Variants in EML5 observed in about 807,000 individuals in gnomAD.
EML5 encodes the protein EMAP like 5.
In EML5, 120 loss-of-function variants were observed where a neutral mutation model predicts 250.0. That is an observed-to-expected ratio of 0.48 (90% confidence interval 0.41 to 0.56). The LOEUF (loss-of-function observed/expected upper bound fraction) is 0.56, where lower values mean the gene tolerates loss of function less well. Ranked by LOEUF, EML5 falls within the 20% of genes least tolerant of loss-of-function variation. The pLI is 0.00. For synonymous variants in EML5, 771 were observed against 806.5 expected (o/e 0.96, Z 0.75); for missense variants, 2,006 against 2,437.6 (o/e 0.82, Z 3.73).
At chr14:88,736,086 C>T (rs142822796) in intron 7 of EML5, among the ~76,000 whole-genome samples, 3,865 of 150,036 alleles carry the variant, frequency 0.026, 71 homozygotes, top group Non-Finnish European at 0.039. Flanking sequence ...CTGCAACCTT[C>T]GCCTCCTGGG....
rs549903794 is a variant in EML5 at position 88,770,932 on chromosome 14, G to A, written c.198-16261C>T. ...AGTTCTTCTTCCTATTAATATTGCT[G>A]AGTAATGGAAATTAATTAGATATAA... On this transcript the variant is annotated intron_variant, in intron 1 of 43. Transcript: ENST00000554922. Among the ~76,000 whole-genome samples the A allele has an allele frequency of 3.3e-5, 5 of 152,144 alleles. No individual in the cohort carries two copies. The East Asian group carries it at 5.8e-4, about 18-fold the overall frequency.
intron 1 of EML5, among the ~76,000 whole-genome samples, chr14:88,785,969 GC>G (rs2094547302): frequency 1.3e-5 from 2 of 152,086 alleles, no homozygotes; most frequent in African/African-American, 4.8e-5. Flanking sequence ...TATAAAATCT[GC>G]CCCCACCACC....
At position 88,644,553 on chromosome 14, in the gene EML5, C is replaced by CA. The variant is rs2091246201; in HGVS notation, c.4029-43dup. 9 of 1,574,066 alleles carry CA rather than the reference C, an allele frequency of 5.7e-6. No individual in the cohort carries two copies. The East Asian group carries it at 2.0e-4, about 35-fold the overall frequency. On this transcript the variant is annotated intron_variant, in intron 29 of 43. Coordinates refer to ENST00000554922, the MANE Select transcript of EML5 (RefSeq NM_183387.3). ...GGGAGGAGGAAAGGCATGCAGCACT[C>CA]AGTGCCTTCACTGAGCCTCTCACAC...
chr14:88,644,700 A>ATTTT (rs2091255250), intron 29 of EML5, 189 bp from the exon 30 acceptor site: 1 of 484,070 alleles, frequency 2.1e-6, no homozygotes, highest in African/African-American at 2.0e-5. Context: ...AAATATTACA[A>ATTTT]CTTTTATTCA....
intron 42 of EML5, 161 bp from the exon 43 acceptor site, chr14:88,616,403 C>T: frequency 1.4e-6 from 1 of 698,590 alleles, no homozygotes; most frequent in South Asian, 1.8e-5. Context: ...AGTGGATCTG[C>T]AAAACCAGGC....
At chr14:88,616,927 G>A (rs1193680862) in intron 41 of EML5, 48 bp from the exon 42 acceptor site, 1 of 1,574,996 alleles carries the variant, frequency 6.3e-7, no homozygotes, top group South Asian at 1.2e-5. Context: ...GTGCGGGCAG[G>A]TTGACTATAT....
At chr14:88,712,232 TGAGA>T (rs1405194320) in intron 10 of EML5, 35 bp downstream of exon 10, 2 of 1,413,062 alleles carry the variant, frequency 1.4e-6, no homozygotes, top group Admixed American at 3.5e-5. Context: ...AAGTCTTCTG[TGAGA>T]GAGAGGTTAC....
At chr14:88,666,684 G>A (rs548319238) in intron 21 of EML5, among the ~76,000 whole-genome samples, 4 of 151,922 alleles carry the variant, frequency 2.6e-5, no homozygotes, top group South Asian at 2.1e-4. Context: ...GTTAACATTC[G>A]TAAAAATAAG....
intron 25 of EML5, among the ~76,000 whole-genome samples, chr14:88,661,315 G>C (rs1035424299): frequency 6.6e-6 from 1 of 152,104 alleles, no homozygotes; most frequent in South Asian, 2.1e-4. Context: ...GGCCTGAAAC[G>C]CCTGGCCTCA....
At chr14:88,642,745 A>G (rs2091136556) in intron 31 of EML5, 148 bp downstream of exon 31, 2 of 812,212 alleles carry the variant, frequency 2.5e-6, no homozygotes, top group Admixed American at 7.0e-5. Flanking sequence ...ATTACTAGAA[A>G]GTTCTGAAAT....
chr14:88,664,193 C>T (rs901769405), intron 23 of EML5, among the ~76,000 whole-genome samples: 3 of 148,882 alleles, frequency 2.0e-5, no homozygotes, highest in Middle Eastern at 3.5e-3. Flanking sequence ...GGGAGGATGA[C>T]TTAAGCCCAG....
intron 8 of EML5, among the ~76,000 whole-genome samples, chr14:88,724,692 A>G (rs1472549409): frequency 6.6e-6 from 1 of 152,222 alleles, no homozygotes; most frequent in East Asian, 1.9e-4. Flanking sequence ...TACTTCCAAT[A>G]CTTTCAGTTC....
intron 26 of EML5, 138 bp from the exon 27 acceptor site, chr14:88,657,640 G>T: frequency 1.4e-6 from 1 of 722,104 alleles, no homozygotes; most frequent in Non-Finnish European, 2.1e-6. Flanking sequence ...TATACAACCA[G>T]AAAAAACGAT....
intron 13 of EML5, among the ~76,000 whole-genome samples, chr14:88,703,870 T>C (rs1278980253): frequency 6.6e-6 from 1 of 152,190 alleles, no homozygotes; most frequent in Non-Finnish European, 1.5e-5. Context: ...ATCTCTTACA[T>C]TTTACTTAAT....
chr14:88,748,933 G>A (rs1448759232), intron 2 of EML5, among the ~76,000 whole-genome samples: 1 of 151,318 alleles, frequency 6.6e-6, no homozygotes, highest in Non-Finnish European at 1.5e-5. Context: ...TGACCTGCAG[G>A]AAAATATCAA....
Position 88,620,806 on chromosome 14 carries a change from G to T in EML5, c.5323C>A (p.Leu1775Ile). 1 of 1,607,676 alleles carries T rather than the reference G, an allele frequency of 6.2e-7. No homozygotes were observed. Residue 1775 changes from leucine (L) to isoleucine (I), a missense_variant, in exon 39 of 44, where the codon CTA (leucine) becomes ATA (isoleucine). Physicochemically the swap from Leu to Ile is conservative, Grantham distance 5. Transcript: ENST00000554922. This position sits in a 1 kb window ranked among gnomAD's most constrained non-coding sequence, Gnocchi z 4.3. ...TCTCTCTTCTTTCCCCATATTTTTA[G>T]AGAACTCACTAGTAAAATGATAAAT... ...GEFIILLVSS[L>I]KIWGKKRDRR...
chr14:88,694,256 A>G, intron 17 of EML5, 51 bp downstream of exon 17: 1 of 1,329,744 alleles, frequency 7.5e-7, no homozygotes, highest in Non-Finnish European at 1.1e-6. Context: ...TTACTTTCAA[A>G]AGCAATAATT....
chr14:88,683,997 T>C (rs28755396), intron 20 of EML5, among the ~76,000 whole-genome samples: 16,684 of 151,902 alleles, frequency 0.11, 1,009 homozygotes, highest in African/African-American at 0.14. Flanking sequence ...GGCATCCAGA[T>C]TGGACAAGAA....
rs1345269635 is a variant in EML5 at position 88,658,182 on chromosome 14, C to T, written c.3877+5G>A. 9.9e-6 allele frequency: 16 copies of T among 1,613,134 alleles called. No individual in the cohort carries two copies. The highest frequency in any genetic ancestry group is 3.3e-5 in the Admixed American group (2 of 59,922). On this transcript the variant is annotated splice_donor_5th_base_variant and intron_variant, in intron 26 of 43. Transcript: ENST00000554922. ...TTTTTGTTCAAGTATTATAAAATGACGTACCCCCATCTTCTTCAGAATCAA... is the reference window on the plus strand; with the variant it reads ...TTTTTGTTCAAGTATTATAAAATGATGTACCCCCATCTTCTTCAGAATCAA...
Sources: allele counts gnomAD v4.1 joint callset (sites outside exome capture counted in the v4.1 genomes callset), GRCh38; gene constraint gnomAD v4.1.1; non-coding constraint Gnocchi (gnomAD v3.1); transcripts MANE v1.5; gene names NCBI Gene and HGNC (gene_info 2026-07-23, HGNC 2026-07-21).